Variants in LAMA1 observed in about 807,000 individuals in gnomAD.
LAMA1 encodes laminin subunit alpha-1.
In LAMA1, 219 loss-of-function variants were observed where a neutral mutation model predicts 348.7. The observed-to-expected ratio is 0.63, with a 90% CI of 0.56 to 0.70. The LOEUF (loss-of-function observed/expected upper bound fraction) is 0.70. Ranked by LOEUF, LAMA1 falls within the 30% of genes least tolerant of loss-of-function variation. The probability of loss-of-function intolerance (pLI) is 0.00; values close to 1 mark genes in which losing one functional copy is unlikely to be tolerated. For missense variants in LAMA1, 3,744 were observed against 3,888.0 expected (o/e 0.96, Z 0.99); for synonymous variants, 1,487 against 1,491.0 (o/e 1.00, Z 0.06).
chr18:7,072,694 G>C (rs1233041878), intron 3 of LAMA1, among the ~76,000 whole-genome samples: 1 of 152,168 alleles, frequency 6.6e-6, no homozygotes, highest in African/African-American at 2.4e-5. Flanking sequence ...TCCTGCCCCA[G>C]GATGTCGAGG....
chr18:7,031,270 G>T (rs2057968002), intron 16 of LAMA1, among the ~76,000 whole-genome samples: 1 of 152,124 alleles, frequency 6.6e-6, no homozygotes, highest in Admixed American at 6.6e-5. Flanking sequence ...AAACCCATGA[G>T]ACCCCAGAGT....
At chr18:7,018,488 C>T (rs1245582277) in intron 19 of LAMA1, among the ~76,000 whole-genome samples, 6 of 149,164 alleles carry the variant, frequency 4.0e-5, no homozygotes, top group African/African-American at 7.4e-5. Context: ...CTCCGCCTTT[C>T]GGGTTCATGC....
At chr18:7,068,026 T>C (rs2058130409) in intron 3 of LAMA1, among the ~76,000 whole-genome samples, 1 of 152,184 alleles carries the variant, frequency 6.6e-6, no homozygotes, top group Admixed American at 6.5e-5. Context: ...GCTAATTTTG[T>C]ATTTTTAGTA....
intron 14 of LAMA1, among the ~76,000 whole-genome samples, chr18:7,033,844 C>T (rs572461): frequency 0.46 from 69,209 of 151,790 alleles, 17,018 homozygotes; most frequent in African/African-American, 0.65. Context: ...AAATGATTCT[C>T]ATGCCTCAGC....
chr18:6,953,562 C>T (rs1431205223), intron 57 of LAMA1, among the ~76,000 whole-genome samples: 1 of 152,178 alleles, frequency 6.6e-6, no homozygotes, highest in Non-Finnish European at 1.5e-5. Flanking sequence ...TCTACAGGCA[C>T]AGACTCTGGA....
At position 6,943,272 on chromosome 18, in the gene LAMA1, A is replaced by G; in HGVS notation, c.8975T>C (p.Ile2992Thr). 6.2e-7 allele frequency: 1 copy of G among 1,614,208 alleles called. No homozygotes were observed. Among genetic ancestry groups the G allele is most frequent in the Non-Finnish European group, 8.5e-7 (1 of 1,180,050 alleles). Residue 2992 changes from isoleucine (I) to threonine (T), a missense_variant, in exon 62 of 63, where the codon ATT becomes ACT. Physicochemically the swap from Ile to Thr is moderately conservative, Grantham distance 89. Transcript: ENST00000389658. ...ANKSKHRITLIVDGNAVGAES... is the reference protein window; with the variant it reads ...ANKSKHRITLTVDGNAVGAES... Reference sequence around the variant, plus strand: ...AGCGCCAACTGCGTTCCCGTCAACAATCAGAGTGATACGGTGTTTGCTTTT... The same window carrying G: ...AGCGCCAACTGCGTTCCCGTCAACAGTCAGAGTGATACGGTGTTTGCTTTT...
intron 58 of LAMA1, 81 bp downstream of exon 58, chr18:6,950,701 G>C: frequency 6.8e-7 from 1 of 1,461,902 alleles, no homozygotes; most frequent in Non-Finnish European, 9.6e-7. Context: ...GGGATAATGT[G>C]CCTTTGAGAA....
chr18:7,090,826 T>TC (rs1270282719), intron 1 of LAMA1, among the ~76,000 whole-genome samples: 3 of 151,886 alleles, frequency 2.0e-5, no homozygotes, highest in Non-Finnish European at 4.4e-5. Flanking sequence ...TGATTTCTTT[T>TC]CCCCCCTCAT....
chr18:7,103,798 G>A (rs2058300955), intron 1 of LAMA1, among the ~76,000 whole-genome samples: 1 of 150,840 alleles, frequency 6.6e-6, no homozygotes, highest in Non-Finnish European at 1.5e-5. Context: ...CAGCCTGGGT[G>A]ACAGAGTAAG....
chr18:7,085,559 T>C (rs140094813), intron 1 of LAMA1, among the ~76,000 whole-genome samples: 5,863 of 151,746 alleles, frequency 0.039, 129 homozygotes, highest in Middle Eastern at 0.082. Context: ...GCTGGGACTA[T>C]AGGCACCCGC....
Position 6,943,223 on chromosome 18 carries a change from G to T in LAMA1, c.9024C>A (p.Thr3008=). Residue 3008 remains threonine, a synonymous_variant, in exon 62 of 63, where the codon ACC becomes ACA. Coordinates refer to ENST00000389658, the MANE Select transcript of LAMA1 (RefSeq NM_005559.4). The part of the protein sequence containing the change: ...VGAESPHTQS[T]SVDTNNPIYV... ...AAATGGGATTGTTGGTGTCCACTGAGGTAGACTGGGTGTGTGGACTTTCAG... is the reference window on the plus strand; with the variant it reads ...AAATGGGATTGTTGGTGTCCACTGATGTAGACTGGGTGTGTGGACTTTCAG... The T allele has an allele frequency of 6.2e-7, 1 of 1,614,222 alleles. No individual in the cohort carries two copies. The highest frequency in any genetic ancestry group is 1.3e-5 in the African/African-American group (1 of 75,052).
At chr18:7,063,562 A>G (rs922338642) in intron 3 of LAMA1, among the ~76,000 whole-genome samples, 2 of 152,220 alleles carry the variant, frequency 1.3e-5, no homozygotes, top group Non-Finnish European at 2.9e-5. Context: ...TGTTCACAGC[A>G]GCATTATTCA....
chr18:7,033,111 T>G lies in LAMA1; in HGVS notation c.2052-16A>C. 6.5e-7 allele frequency: 1 copy of G among 1,550,078 alleles called. No homozygotes were observed. Among genetic ancestry groups the G allele is most frequent in the Non-Finnish European group, 8.8e-7 (1 of 1,130,044 alleles). On this transcript the variant is annotated splice_polypyrimidine_tract_variant and intron_variant, in intron 14 of 62. Coordinates refer to ENST00000389658, the MANE Select transcript of LAMA1 (RefSeq NM_005559.4). ...GGACTCCAACCTACAAATAGACAGA[T>G]TGTTATGTGACTCACACGCTCGCAA...
At chr18:7,115,101 C>T (rs768907694) in intron 1 of LAMA1, among the ~76,000 whole-genome samples, 1 of 152,092 alleles carries the variant, frequency 6.6e-6, no homozygotes, top group Non-Finnish European at 1.5e-5. Flanking sequence ...CCAACTGCTA[C>T]GATCAATATT....
At chr18:7,029,057 C>T (rs138487082) in intron 16 of LAMA1, among the ~76,000 whole-genome samples, 1 of 152,308 alleles carries the variant, frequency 6.6e-6, no homozygotes, top group South Asian at 2.1e-4. Flanking sequence ...TTCCCATATA[C>T]CACATTTAAT....
intron 29 of LAMA1, among the ~76,000 whole-genome samples, chr18:7,005,187 G>T (rs746667257): frequency 7.9e-5 from 12 of 152,222 alleles, no homozygotes; most frequent in Non-Finnish European, 1.5e-4. Flanking sequence ...TTGGACATGG[G>T]AAAGAGGGAT....
chr18:6,970,985 A>G (rs902119265), intron 48 of LAMA1, among the ~76,000 whole-genome samples: 1 of 152,180 alleles, frequency 6.6e-6, no homozygotes, highest in Non-Finnish European at 1.5e-5. Context: ...CAATGACAAA[A>G]TGAAAAATTC....
In LAMA1 at chr18:7,115,814, C is replaced by CAAAAAAAAAAAAAAA. The variant is rs557585224; in HGVS notation, c.61+1831_61+1845dup. 1.1e-3 allele frequency among the ~76,000 whole-genome samples: 106 copies of CAAAAAAAAAAAAAAA among 94,804 alleles called. 7 individuals are homozygous for CAAAAAAAAAAAAAAA. Among genetic ancestry groups the CAAAAAAAAAAAAAAA allele is most frequent in the East Asian group, 9.5e-3 (18 of 1,886 alleles). 62.2% of individuals were successfully genotyped at this position (94,804 alleles called of 152,430 possible). A position where few individuals can be genotyped will look rare whatever the true frequency, so the allele number is the denominator to read the frequency against. ...TGAAACCCTGTCTCCACTAAAAATA[C>CAAAAAAAAAAAAAAA]AAAAAAAAAAAAAAAAAAATAGCCG... On this transcript the variant is annotated intron_variant, in intron 1 of 62. Coordinates refer to ENST00000389658, the MANE Select transcript of LAMA1 (RefSeq NM_005559.4).
chr18:7,067,831 C>T (rs1243220095), intron 3 of LAMA1, among the ~76,000 whole-genome samples: 1 of 151,776 alleles, frequency 6.6e-6, no homozygotes, highest in Non-Finnish European at 1.5e-5. Flanking sequence ...ATTCCTGCCT[C>T]CCTTCCTCCG....
Sources: gnomAD v4.1 joint callset for allele counts (sites outside exome capture counted in the v4.1 genomes callset) on GRCh38, gnomAD v4.1.1 for gene constraint, MANE v1.5 for transcripts, NCBI Gene and HGNC (gene_info 2026-07-23, HGNC 2026-07-21) for gene names.